The following TENM2 variants were observed in gnomAD, a reference collection of about 807,000 sequenced individuals.
TENM2 encodes the protein teneurin transmembrane protein 2.
TENM2 carries 52 observed loss-of-function variants against 245.2 expected under a neutral mutation model. That is an observed-to-expected ratio of 0.21 (90% CI 0.17 to 0.27). TENM2 has a LOEUF of 0.27. Ranked by LOEUF, TENM2 falls within the 10% of genes least tolerant of loss-of-function variation. The probability of loss-of-function intolerance (pLI) is 1.00; values close to 1 mark genes in which losing one functional copy is unlikely to be tolerated. For synonymous variants in TENM2, 1,363 were observed against 1,438.9 expected (o/e 0.95, Z 1.19); for missense variants, 3,046 against 3,666.8 (o/e 0.83, Z 4.37).
exon 1 of TENM2, chr5:167,284,924 T>C (rs1771249764): frequency 6.4e-7 from 1 of 1,551,632 alleles, no homozygotes; most frequent in South Asian, 1.2e-5. Context: ...CTCTGGACAG[T>C]GAGGACTGCC....
rs1274921125 is a variant in TENM2, at chr5:167,462,193, C to A, written c.502+86720C>A. Among the ~76,000 whole-genome samples the A allele has an allele frequency of 1.5e-4, 15 of 99,414 alleles. 1 individual carries two copies. Among genetic ancestry groups the A allele is most frequent in the African/African-American group, 5.2e-4 (15 of 28,978 alleles). 65.2% of individuals were successfully genotyped at this position (99,414 alleles called of 152,430 possible). A position where few individuals can be genotyped will look rare whatever the true frequency, so the allele number is the denominator to read the frequency against. ...TTCCCTGACCCCCACCCCCCCCCCC[C>A]ATTGCAGGACATGCAACAGGGGTAT... is the stretch of plus-strand genomic sequence containing the variant. On this transcript the variant is annotated intron_variant, in intron 2 of 28. Coordinates refer to ENST00000518659, the Ensembl canonical transcript of TENM2.
chr5:167,218,410 C>T, the TENM2 span, among the ~76,000 whole-genome samples: 1 of 151,920 alleles, frequency 6.6e-6, no homozygotes, highest in African/African-American at 2.4e-5. Context: ...CTACACTTTT[C>T]TCAGAATTAG....
the TENM2 span, among the ~76,000 whole-genome samples, chr5:167,258,890 C>G: frequency 5.9e-5 from 9 of 152,036 alleles, no homozygotes; most frequent in African/African-American, 2.2e-4. Context: ...TTTTTACTAA[C>G]GATTTCTGAA....
chr5:167,410,012 T>C (rs1581964950), intron 2 of TENM2, among the ~76,000 whole-genome samples: 1 of 152,138 alleles, frequency 6.6e-6, no homozygotes, highest in East Asian at 1.9e-4. Flanking sequence ...TTACAAATTT[T>C]AGGATTTCAT....
At chr5:168,152,527 G>C (rs745816083) in intron 12 of TENM2, among the ~76,000 whole-genome samples, 1 of 152,200 alleles carries the variant, frequency 6.6e-6, no homozygotes, top group African/African-American at 2.4e-5. Context: ...TGCTCAGTGG[G>C]TGTAGAAATT....
intron 13 of TENM2, among the ~76,000 whole-genome samples, chr5:168,182,735 C>G (rs1461061890): frequency 5.9e-5 from 9 of 151,966 alleles, no homozygotes; most frequent in Non-Finnish European, 1.0e-4. Context: ...AGGGACTGGC[C>G]AGAGTCAGCA....
chr5:168,041,968 G>A (rs1009534759), intron 5 of TENM2, among the ~76,000 whole-genome samples: 3 of 152,186 alleles, frequency 2.0e-5, no homozygotes, highest in Non-Finnish European at 2.9e-5. Context: ...AGTTGTGCAT[G>A]TTAGCCCTGA....
At chr5:167,569,002 C>T (rs1019246408) in intron 2 of TENM2, among the ~76,000 whole-genome samples, 1 of 149,800 alleles carries the variant, frequency 6.7e-6, no homozygotes, top group African/African-American at 2.5e-5. Flanking sequence ...AATGGGTGGC[C>T]TGAGGGGCCC....
chr5:167,755,447 G>GTATT, intron 2 of TENM2, among the ~76,000 whole-genome samples: 1 of 87,232 alleles, frequency 1.1e-5, no homozygotes, highest in African/African-American at 4.3e-5. Context: ...TATCTGCCAG[G>GTATT]TATTTCACCA....
At chr5:167,823,505 A>T (rs1767711551) in intron 2 of TENM2, among the ~76,000 whole-genome samples, 1 of 152,114 alleles carries the variant, frequency 6.6e-6, no homozygotes, top group Non-Finnish European at 1.5e-5. Context: ...CCATTTCTGG[A>T]ATGCTGTATA....
chr5:168,211,617 A>G, intron 19 of TENM2, 117 bp from the exon 22 acceptor site: 1 of 653,518 alleles, frequency 1.5e-6, no homozygotes, highest in Non-Finnish European at 2.6e-6. Context: ...GAAAAAAGAA[A>G]AAGACTGCCT....
chr5:167,611,012 T>C (rs892717831), intron 2 of TENM2, among the ~76,000 whole-genome samples: 1 of 152,186 alleles, frequency 6.6e-6, no homozygotes, highest in Non-Finnish European at 1.5e-5. Flanking sequence ...TCTCCTGCTG[T>C]TTTAATGTAG....
intron 2 of TENM2, among the ~76,000 whole-genome samples, chr5:167,549,075 C>T (rs371773984): frequency 1.3e-5 from 2 of 152,112 alleles, no homozygotes; most frequent in East Asian, 1.9e-4. Context: ...AAGTATCTAT[C>T]GCAAAAATAC....
intron 25 of TENM2, among the ~76,000 whole-genome samples, chr5:168,237,810 G>A (rs933606540): frequency 5.3e-5 from 8 of 151,694 alleles, no homozygotes; most frequent in Non-Finnish European, 1.0e-4. Flanking sequence ...TCCCAATGTA[G>A]CATTGAGTCT....
chr5:168,076,295 G>A (rs991159694), intron 7 of TENM2, among the ~76,000 whole-genome samples: 6 of 149,618 alleles, frequency 4.0e-5, no homozygotes, highest in Non-Finnish European at 4.4e-5. Flanking sequence ...GTGTGATCTC[G>A]GCTCACTGCA....
intron 2 of TENM2, among the ~76,000 whole-genome samples, chr5:167,765,871 C>G (rs1762985338): frequency 1.3e-5 from 2 of 152,084 alleles, no homozygotes; most frequent in African/African-American, 4.8e-5. Context: ...CTTCACAGGT[C>G]TACATTTTTC....
At chr5:167,931,048 A>G (rs1778243449) in intron 3 of TENM2, among the ~76,000 whole-genome samples, 1 of 152,224 alleles carries the variant, frequency 6.6e-6, no homozygotes, top group Non-Finnish European at 1.5e-5. Flanking sequence ...ACCATGCCTT[A>G]TGCTATAAGC....
exon 29 of TENM2, chr5:168,262,568 G>C (rs748111997): frequency 3.2e-6 from 5 of 1,565,264 alleles, no homozygotes; most frequent in Non-Finnish European, 1.7e-6. Flanking sequence ...GAAGGCCCGC[G>C]TCCTGGACCA....
chr5:167,385,288 G>C (rs72829329), intron 2 of TENM2, among the ~76,000 whole-genome samples: 2,155 of 151,792 alleles, frequency 0.014, 27 homozygotes, highest in Non-Finnish European at 0.023. Flanking sequence ...AATTGCTCCT[G>C]TAACTATAGT....
Sources: allele counts gnomAD v4.1 joint callset (sites outside exome capture counted in the v4.1 genomes callset), GRCh38; gene constraint gnomAD v4.1.1; transcripts MANE v1.5; gene names NCBI Gene and HGNC (gene_info 2026-07-23, HGNC 2026-07-21).